ANXA10: variants seen among roughly 807,000 people sequenced by gnomAD.
ANXA10 encodes annexin 14.
A neutral mutation model predicts 53.5 loss-of-function variants in ANXA10; 49 were observed. That is an observed-to-expected ratio of 0.92 (90% CI 0.73 to 1.16). ANXA10 has a LOEUF of 1.16. Ranked by LOEUF, ANXA10 falls within the 50% of genes most tolerant of loss-of-function variation. The pLI, the probability that ANXA10 is intolerant of heterozygous loss-of-function variation, is 0.00. For synonymous variants in ANXA10, 131 were observed against 128.9 expected, an observed-to-expected ratio of 1.02 and a Z score of -0.11; for missense variants, 393 against 394.4, an observed-to-expected ratio of 1.00 and a Z score of 0.03.
chr4:168,160,694 CT>C (rs1731768064), intron 3 of ANXA10, among the ~76,000 whole-genome samples: 1 of 151,952 alleles, frequency 6.6e-6, no homozygotes, highest in South Asian at 2.1e-4. Context: ...AAAAATGTTC[CT>C]TTTTGTCCAC....
chr4:168,129,091 C>T (rs1731118491), intron 2 of ANXA10, among the ~76,000 whole-genome samples: 1 of 151,932 alleles, frequency 6.6e-6, no homozygotes, highest in South Asian at 2.1e-4. Context: ...TTGCATAAGG[C>T]ATGCAAAAAC....
At chr4:168,102,917 A>C (rs1275795564) in intron 1 of ANXA10, among the ~76,000 whole-genome samples, 1 of 152,070 alleles carries the variant, frequency 6.6e-6, no homozygotes, top group East Asian at 1.9e-4. Flanking sequence ...TTGTAGTTTT[A>C]CTTTGAATTT....
intron 6 of ANXA10, 103 bp from the exon 7 acceptor site, chr4:168,177,637 C>A: frequency 8.6e-7 from 1 of 1,159,472 alleles, no homozygotes; most frequent in Non-Finnish European, 1.3e-6. Context: ...AAAGAAGTTC[C>A]TTAGGAACAA....
At chr4:168,145,411 G>C (rs180714559) in intron 3 of ANXA10, among the ~76,000 whole-genome samples, 13 of 152,262 alleles carry the variant, frequency 8.5e-5, no homozygotes, top group African/African-American at 3.1e-4. Context: ...TTTTAGAAAA[G>C]GGCTGTTACC....
intron 6 of ANXA10, among the ~76,000 whole-genome samples, chr4:168,177,362 C>A (rs1732149862): frequency 6.6e-6 from 1 of 152,130 alleles, no homozygotes; most frequent in African/African-American, 2.4e-5. Context: ...CAGAGATGGA[C>A]TTTCTCTGCA....
intron 2 of ANXA10, among the ~76,000 whole-genome samples, chr4:168,129,529 G>A (rs779017755): frequency 8.5e-5 from 13 of 152,092 alleles, no homozygotes; most frequent in Non-Finnish European, 1.3e-4. Context: ...GCTGAAGTAC[G>A]TCAGGAGGTT....
intron 2 of ANXA10, among the ~76,000 whole-genome samples, chr4:168,132,488 G>A (rs916802743): frequency 2.0e-5 from 3 of 152,094 alleles, no homozygotes; most frequent in Admixed American, 6.6e-5. Flanking sequence ...AAGGGTAGCG[G>A]AGGGCTGCTG....
chr4:168,160,590 T>C (rs768097079), intron 3 of ANXA10, among the ~76,000 whole-genome samples: 1 of 152,124 alleles, frequency 6.6e-6, no homozygotes, highest in Non-Finnish European at 1.5e-5. Context: ...AGTAATGAGA[T>C]TGCTGGGTCA....
chr4:168,182,399 C>G (rs181222437), intron 10 of ANXA10, among the ~76,000 whole-genome samples: 6 of 121,330 alleles, frequency 4.9e-5, no homozygotes, highest in African/African-American at 1.9e-4. Flanking sequence ...GGCGCGATCT[C>G]GGCTCACTGC....
intron 1 of ANXA10, among the ~76,000 whole-genome samples, chr4:168,100,298 G>T (rs890848619): frequency 1.3e-5 from 2 of 152,018 alleles, no homozygotes; most frequent in Non-Finnish European, 2.9e-5. Context: ...ATCTGATTTT[G>T]ATTTACAAGA....
At chr4:168,108,068 G>T (rs948843854) in intron 1 of ANXA10, among the ~76,000 whole-genome samples, 1 of 152,122 alleles carries the variant, frequency 6.6e-6, no homozygotes, top group Admixed American at 6.5e-5. Flanking sequence ...TCTTGATGTT[G>T]CCATGGCATT....
chr4:168,141,143 A>G (rs1431256094), intron 3 of ANXA10, among the ~76,000 whole-genome samples: 1 of 152,234 alleles, frequency 6.6e-6, no homozygotes, highest in Non-Finnish European at 1.5e-5. Context: ...CACTGTACAT[A>G]TAAAGTCTCA....
At chr4:168,145,250 G>A (rs1731388729) in intron 3 of ANXA10, among the ~76,000 whole-genome samples, 1 of 152,128 alleles carries the variant, frequency 6.6e-6, no homozygotes, top group African/African-American at 2.4e-5. Flanking sequence ...CGGCCTTTTG[G>A]ATAAGATCAA....
rs1169861979 is a variant in ANXA10, at chr4:168,187,352, AT to A, written c.907-9del. ...TGATATTTTATTTCAAATATATTAT[AT>A]TTTTCTTTTCAGAATTTTGCTTCAG... is the stretch of plus-strand genomic sequence containing the variant. On this transcript the variant is annotated splice_polypyrimidine_tract_variant and intron_variant, in intron 11 of 11. Transcript: ENST00000359299. 6.5e-7 allele frequency: 1 copy of A among 1,540,832 alleles called. No homozygotes were observed. The highest frequency in any genetic ancestry group is 8.9e-7 in the Non-Finnish European group (1 of 1,127,468).
chr4:168,095,493 T>C (rs1330853342), intron 1 of ANXA10, among the ~76,000 whole-genome samples: 1 of 152,104 alleles, frequency 6.6e-6, no homozygotes, highest in Admixed American at 6.6e-5. Context: ...AATAGCATTA[T>C]GTATTATACA....
chr4:168,119,263 A>T (rs1346496577), intron 1 of ANXA10, among the ~76,000 whole-genome samples: 1 of 152,186 alleles, frequency 6.6e-6, no homozygotes, highest in Non-Finnish European at 1.5e-5. Flanking sequence ...GTGGAACCTC[A>T]TAGAGATAAC....
At chr4:168,147,952 C>G (rs549992448) in intron 3 of ANXA10, among the ~76,000 whole-genome samples, 5 of 152,312 alleles carry the variant, frequency 3.3e-5, no homozygotes, top group Non-Finnish European at 7.3e-5. Context: ...GTCAGCATGA[C>G]ACGTTGATAT....
At chr4:168,101,679 T>C (rs1730641793) in intron 1 of ANXA10, among the ~76,000 whole-genome samples, 1 of 152,134 alleles carries the variant, frequency 6.6e-6, no homozygotes, top group East Asian at 1.9e-4. Flanking sequence ...TACTCATTGC[T>C]ACTGGGGTAT....
intron 3 of ANXA10, among the ~76,000 whole-genome samples, chr4:168,148,800 CT>C (rs548420549): frequency 1.3e-5 from 2 of 151,780 alleles, no homozygotes; most frequent in African/African-American, 4.8e-5. Flanking sequence ...TTAGCAGTTC[CT>C]TTTTTTCTGG....
Sources: gnomAD v4.1 joint callset for allele counts (sites outside exome capture counted in the v4.1 genomes callset) on GRCh38, gnomAD v4.1.1 for gene constraint, MANE v1.5 for transcripts, NCBI Gene and HGNC (gene_info 2026-07-23, HGNC 2026-07-21) for gene names.